Variants in RPL3L observed in about 807,000 individuals in gnomAD.
RPL3L encodes the protein ribosomal protein L3 like, also known as ribosomal protein uL3-like.
RPL3L carries 44 observed loss-of-function variants against 44.5 expected under a neutral mutation model. The ratio of observed to expected loss-of-function variants is 0.99; its 90% CI spans 0.78 to 1.27. The LOEUF (loss-of-function observed/expected upper bound fraction) is 1.27, where lower values mean the gene tolerates loss of function less well. RPL3L is among the 50% of genes most tolerant of loss of function. The pLI, the probability that RPL3L is intolerant of heterozygous loss-of-function variation, is 0.00. For missense variants in RPL3L, 631 were observed against 569.1 expected, an observed-to-expected ratio of 1.11 and a Z score of -1.11; for synonymous variants, 292 against 230.7, an observed-to-expected ratio of 1.27 and a Z score of -2.41.
chr16:1,947,101 G>C lies in RPL3L; in HGVS notation c.689-3C>G. The C allele has an allele frequency of 6.2e-6, 10 of 1,613,492 alleles. No individual in the cohort carries two copies. Among genetic ancestry groups the C allele is most frequent in the Non-Finnish European group, 8.5e-6 (10 of 1,179,962 alleles). ...GGTATGCCAGCGGCTTGTGACCCCT[G>C]TGAGTGAGAGGGGCTGGTGGCTGAG... On this transcript the variant is annotated splice_polypyrimidine_tract_variant and splice_region_variant and intron_variant, in intron 5 of 9. Coordinates refer to ENST00000268661, the MANE Select transcript of RPL3L (RefSeq NM_005061.3).
At chr16:1,946,807 T>A in intron 6 of RPL3L, 81 bp from the exon 7 acceptor site, 1 of 1,583,704 alleles carries the variant, frequency 6.3e-7, no homozygotes, top group South Asian at 1.1e-5. Context: ...GCCCACATGC[T>A]CAGACTCAGT....
intron 2 of RPL3L, among the ~76,000 whole-genome samples, chr16:1,953,555 T>C (rs1254991776): frequency 6.6e-6 from 1 of 152,124 alleles, no homozygotes; most frequent in Non-Finnish European, 1.5e-5. Context: ...GAATCTACGA[T>C]TAAAACAACA....
At position 1,954,035 on chromosome 16, in the gene RPL3L, C is replaced by G. The variant is rs1368599770; in HGVS notation, c.117G>C (p.Gln39His). Reference sequence around the variant, plus strand: ...CCAGGAAGGCCGTGAGGTGCACGGGCTGGCTGGGGTCATCCCGCGGCCACG... The same window carrying G: ...CCAGGAAGGCCGTGAGGTGCACGGGGTGGCTGGGGTCATCCCGCGGCCACG... ...VKTWPRDDPS[Q>H]PVHLTAFLGY... Residue 39 changes from glutamine (Q) to histidine (H), a missense_variant, in exon 2 of 10, where the codon CAG (glutamine) becomes CAC (histidine). Gln to His is a conservative substitution (Grantham distance 24). Coordinates refer to ENST00000268661, the MANE Select transcript of RPL3L (RefSeq NM_005061.3). 3.7e-6 allele frequency: 6 copies of G among 1,608,142 alleles called. No homozygotes were observed. The highest frequency in any genetic ancestry group is 5.1e-6 in the Non-Finnish European group (6 of 1,177,808).
rs770166648 is a variant in RPL3L, at chr16:1,945,898, G to A, written c.984C>T (p.Asn328=). The A allele has an allele frequency of 3.3e-5, 54 of 1,613,338 alleles. No individual in the cohort carries two copies. Among genetic ancestry groups the A allele is most frequent in the East Asian group, 1.3e-4 (6 of 44,884 alleles). ...TACAACCCTTCAGCATGACGAAGTC[G>A]TTGTTCACTTCCCCGTAGTGGGGGA... ...GGFPHYGEVN[N]DFVMLKGCIA... The change falls in exon 8 of 10, where the codon AAC becomes AAT. Residue 328 remains asparagine, a synonymous_variant. Coordinates refer to ENST00000268661, the MANE Select transcript of RPL3L (RefSeq NM_005061.3).
intron 3 of RPL3L, 120 bp from the exon 4 acceptor site, chr16:1,951,099 C>T (rs767417441): frequency 2.2e-5 from 29 of 1,330,992 alleles, no homozygotes; most frequent in Middle Eastern, 2.6e-4. Context: ...GACCGCCCCC[C>T]ACCCGGAGGC....
intron 4 of RPL3L, among the ~76,000 whole-genome samples, chr16:1,950,205 A>G (rs432853): frequency 2.6e-5 from 4 of 151,462 alleles, no homozygotes; most frequent in Non-Finnish European, 4.4e-5. Flanking sequence ...TGTATGGGGC[A>G]GGTATTTACA....
At chr16:1,947,442 G>A in intron 4 of RPL3L, 62 bp from the exon 5 acceptor site, 1 of 1,458,264 alleles carries the variant, frequency 6.9e-7, no homozygotes, top group Non-Finnish European at 9.0e-7. Flanking sequence ...CCTGAAACAT[G>A]GCATGGCCAG....
chr16:1,947,164 C>T, intron 5 of RPL3L, 30 bp downstream of exon 5: 1 of 1,612,918 alleles, frequency 6.2e-7, no homozygotes, highest in Non-Finnish European at 8.5e-7. Context: ...GGCAGCCTGC[C>T]CTGGAGCTGC....
At chr16:1,953,288 T>G (rs2083184160) in intron 2 of RPL3L, among the ~76,000 whole-genome samples, 1 of 152,228 alleles carries the variant, frequency 6.6e-6, no homozygotes, top group South Asian at 2.1e-4. Flanking sequence ...GGTGCAATCA[T>G]AGCTCACTGC....
intron 4 of RPL3L, among the ~76,000 whole-genome samples, chr16:1,949,692 AGGCAGGTATGTACGG>A (rs2083155273): frequency 2.5e-5 from 3 of 118,302 alleles, no homozygotes; most frequent in Admixed American, 1.9e-4. Context: ...GGTATGTATG[AGGCAGGTATGTACGG>A]GGCAGGTATG....
At chr16:1,948,426 T>C (rs547094208) in intron 4 of RPL3L, among the ~76,000 whole-genome samples, 4 of 152,208 alleles carry the variant, frequency 2.6e-5, no homozygotes, top group East Asian at 3.9e-4. Context: ...GGGTTTCCCA[T>C]GTTGGCCAGG....
rs143544112 is a variant in RPL3L, at chr16:1,950,864, G to T, written c.481C>A (p.Arg161=). 3.7e-6 allele frequency: 6 copies of T among 1,614,050 alleles called. No individual in the cohort carries two copies. The highest frequency in any genetic ancestry group is 1.3e-5 in the African/African-American group (1 of 75,004). Residue 161 remains arginine, a synonymous_variant, in exon 4 of 10, where the codon CGG becomes AGG. Coordinates refer to ENST00000268661, the MANE Select transcript of RPL3L (RefSeq NM_005061.3). ...CTGACCTGAGTGTGGACAATGACCC[G>T]AATGACCTTGCAGTACTTCTTCATG... ...AAMKKYCKVI[R]VIVHTQMKLL...
rs1184483962 is a variant in RPL3L at position 1,946,641 on chromosome 16, T to C, written c.935A>G (p.Lys312Arg). ...NASTSYDVTA[K>R]SITPLGGFPH... The stretch of plus-strand genomic sequence containing the variant: ...CAGCCTCACCAGCGGTGTGATGGAC[T>C]TGGCAGTCACGTCGTAGCTGGTGGA... The change falls in exon 7 of 10, where the codon AAG becomes AGG. Residue 312 changes from lysine (K) to arginine (R), a missense_variant. By Grantham distance (26) the Lys-to-Arg change is conservative. Coordinates refer to ENST00000268661, the MANE Select transcript of RPL3L (RefSeq NM_005061.3). The C allele has an allele frequency of 1.2e-6, 2 of 1,612,692 alleles. No homozygotes were observed. The highest frequency in any genetic ancestry group is 3.3e-5 in the Admixed American group (2 of 60,022).
intron 2 of RPL3L, among the ~76,000 whole-genome samples, chr16:1,953,368 C>T (rs1349658609): frequency 1.3e-5 from 2 of 152,110 alleles, no homozygotes; most frequent in Non-Finnish European, 2.9e-5. Context: ...TACAGGCACT[C>T]GCCACAACGC....
intron 7 of RPL3L, 64 bp from the exon 8 acceptor site, chr16:1,945,994 G>A: frequency 7.0e-7 from 1 of 1,426,492 alleles, no homozygotes; most frequent in Non-Finnish European, 9.6e-7. Flanking sequence ...GGTGGCTGGG[G>A]GCCCTAGCAG....
chr16:1,946,873 T>C (rs890647496), intron 6 of RPL3L, 65 bp downstream of exon 6: 4 of 1,562,694 alleles, frequency 2.6e-6, no homozygotes, highest in South Asian at 1.2e-5. Context: ...CCCCACCCAC[T>C]GAGGCCAGTA....
In RPL3L at chr16:1,954,119, G is replaced by C. The variant is rs778690877; in HGVS notation, c.33C>G (p.His11Gln). Reference sequence around the variant, plus strand: ...TATGGGGCAGGAAGCCCAGGTGTCCGTGCCGAGGGGCGGAAAACTTCCGGT... The same window carrying C: ...TATGGGGCAGGAAGCCCAGGTGTCCCTGCCGAGGGGCGGAAAACTTCCGGT... Reference protein sequence around the residue: MSHRKFSAPRHGHLGFLPHKR... With the variant: MSHRKFSAPRQGHLGFLPHKR... Residue 11 changes from histidine (H) to glutamine (Q), a missense_variant, in exon 2 of 10, where the codon CAC becomes CAG. Physicochemically the swap from His to Gln is conservative, Grantham distance 24. Coordinates refer to ENST00000268661, the MANE Select transcript of RPL3L (RefSeq NM_005061.3). 3 of 1,595,432 alleles carry C rather than the reference G, an allele frequency of 1.9e-6. No individual in the cohort carries two copies. The highest frequency in any genetic ancestry group is 2.6e-6 in the Non-Finnish European group (3 of 1,171,684).
chr16:1,944,139 G>C lies in RPL3L; in HGVS notation c.*698C>G, dbSNP rs1266850773. ...ATAGTTTAAAACAAAGACAGTAACA[G>C]CCCTTTCCCAAAGCAGACCACCTCC... On this transcript the variant is annotated 3_prime_UTR_variant, in exon 10 of 10. Coordinates refer to ENST00000268661, the MANE Select transcript of RPL3L (RefSeq NM_005061.3). 6.6e-6 allele frequency: 1 copy of C among 152,212 alleles called. No individual in the cohort carries two copies. Among genetic ancestry groups the C allele is most frequent in the Non-Finnish European group, 1.5e-5 (1 of 68,070 alleles). 9.4% of individuals were successfully genotyped at this position (152,212 alleles called of 1,614,324 possible).
chr16:1,945,993 G>A, intron 7 of RPL3L, 63 bp from the exon 8 acceptor site: 1 of 1,451,064 alleles, frequency 6.9e-7, no homozygotes, highest in South Asian at 1.3e-5. Context: ...GGGTGGCTGG[G>A]GGCCCTAGCA....
Sources: gnomAD v4.1 joint callset for allele counts (sites outside exome capture counted in the v4.1 genomes callset) on GRCh38, gnomAD v4.1.1 for gene constraint, MANE v1.5 for transcripts, NCBI Gene and HGNC (gene_info 2026-07-23, HGNC 2026-07-21) for gene names.